The following VASN variants were observed in gnomAD, a reference collection of about 807,000 sequenced individuals.
The protein encoded by VASN is vasorin, also known as protein slit-like 2.
VASN carries 5 observed loss-of-function variants against 4.8 expected under a neutral mutation model. The observed-to-expected ratio is 1.03, with a 90% CI of 0.54 to 2.17. The LOEUF (loss-of-function observed/expected upper bound fraction) is 2.17, where lower values mean the gene tolerates loss of function less well. Among genes scored for constraint, VASN ranks in the 30% most tolerant of loss-of-function variants. VASN has a pLI of 0.01. For synonymous variants in VASN, 499 were observed against 460.8 expected (o/e 1.08, Z -1.06); for missense variants, 927 against 948.8 (o/e 0.98, Z 0.30).
chr16:4,372,559 T>C (rs1457348681), intron 1 of VASN, among the ~76,000 whole-genome samples: 1 of 152,136 alleles, frequency 6.6e-6, no homozygotes, highest in East Asian at 1.9e-4. Flanking sequence ...CCAGGGCCCT[T>C]AGAGCTTCGG....
chr16:4,379,457 C>A (rs1359574339), intron 1 of VASN, among the ~76,000 whole-genome samples: 1 of 152,024 alleles, frequency 6.6e-6, no homozygotes, highest in Non-Finnish European at 1.5e-5. Context: ...GCCCCCGCCC[C>A]CAGGGCCATC....
intron 1 of VASN, among the ~76,000 whole-genome samples, chr16:4,375,047 T>G (rs1294812161): frequency 6.6e-6 from 1 of 152,130 alleles, no homozygotes; most frequent in Non-Finnish European, 1.5e-5. Flanking sequence ...CTAGTTGGGC[T>G]GCAGCCACTG....
chr16:4,374,683 G>A (rs988257208), intron 1 of VASN, among the ~76,000 whole-genome samples: 3 of 152,130 alleles, frequency 2.0e-5, no homozygotes, highest in African/African-American at 4.8e-5. Flanking sequence ...AATCCATCCC[G>A]CCTGCCCATT....
intron 1 of VASN, among the ~76,000 whole-genome samples, chr16:4,380,355 T>C (rs1268120749): frequency 6.6e-6 from 1 of 152,210 alleles, no homozygotes; most frequent in Admixed American, 6.5e-5. Flanking sequence ...ATAGTTTCCA[T>C]GTGAAGTCTT....
rs756788083 is a variant in VASN at position 4,381,584 on chromosome 16, G to C, written c.707G>C (p.Arg236Pro). 3 of 1,603,202 alleles carry C rather than the reference G, an allele frequency of 1.9e-6. No homozygotes were observed. The highest frequency in any genetic ancestry group is 1.7e-5 in the Admixed American group (1 of 58,720). Reference sequence around the variant, plus strand: ...CTGGAGCGAGTGCCACCTGTGATCCGAGGCCTCCGGGGCCTGACGCGCCTG... The same window carrying C: ...CTGGAGCGAGTGCCACCTGTGATCCCAGGCCTCCGGGGCCTGACGCGCCTG... The part of the protein sequence containing the change: ...NQLERVPPVI[R>P]GLRGLTRLRL... Residue 236 changes from arginine to proline, a missense_variant, in exon 2 of 2, where the codon CGA becomes CCA. Physicochemically the swap from Arg to Pro is moderately radical, Grantham distance 103. Transcript: ENST00000304735.
chr16:4,379,098 A>G (rs2054860128), intron 1 of VASN, among the ~76,000 whole-genome samples: 1 of 151,896 alleles, frequency 6.6e-6, no homozygotes, highest in Admixed American at 6.5e-5. Flanking sequence ...TACCTGGGGG[A>G]GAGGGAGCCC....
intron 1 of VASN, among the ~76,000 whole-genome samples, chr16:4,377,772 CCTCCCTT>C (rs1166645221): frequency 6.6e-6 from 1 of 152,210 alleles, no homozygotes; most frequent in East Asian, 1.9e-4. Context: ...CCTCCTCCCT[CCTCCCTT>C]TGATGTGGGG....
rs893690478 is a variant in VASN, at chr16:4,382,982, T to G, written c.*83T>G. 1 of 1,384,702 alleles carries G rather than the reference T, an allele frequency of 7.2e-7. No homozygotes were observed. The highest frequency in any genetic ancestry group is 9.6e-7 in the Non-Finnish European group (1 of 1,044,944). The allele number at this position is 1,384,702 out of a possible 1,614,324, so 85.8% of individuals were successfully genotyped here. A position where few individuals can be genotyped will look rare whatever the true frequency, so the allele number is the denominator to read the frequency against. ...CCTCCTGCTGCCACACCACGTAAGT[T>G]CTCAGTCCCAACCTCGGGGATGTGT... is the stretch of plus-strand genomic sequence containing the variant. On this transcript the variant is annotated 3_prime_UTR_variant, in exon 2 of 2. Coordinates refer to ENST00000304735, the MANE Select transcript of VASN (RefSeq NM_138440.3).
At chr16:4,376,077 CA>C (rs1480808694) in intron 1 of VASN, among the ~76,000 whole-genome samples, 1 of 152,172 alleles carries the variant, frequency 6.6e-6, no homozygotes, top group Non-Finnish European at 1.5e-5. Context: ...AATCACCAGC[CA>C]GGGGTCCCCG....
chr16:4,376,728 G>A (rs1309381756), intron 1 of VASN, among the ~76,000 whole-genome samples: 1 of 152,084 alleles, frequency 6.6e-6, no homozygotes, highest in Non-Finnish European at 1.5e-5. Flanking sequence ...CTTACTCATA[G>A]GGCCCCTCCC....
chr16:4,375,621 G>A (rs558615152), intron 1 of VASN, among the ~76,000 whole-genome samples: 1 of 152,348 alleles, frequency 6.6e-6, no homozygotes, highest in African/African-American at 2.4e-5. Context: ...CCAAGTAGCT[G>A]GGACTACAGG....
At chr16:4,376,136 C>T (rs1178870930) in intron 1 of VASN, among the ~76,000 whole-genome samples, 1 of 152,174 alleles carries the variant, frequency 6.6e-6, no homozygotes, top group Non-Finnish European at 1.5e-5. Flanking sequence ...GAACTCGAGG[C>T]CCAGCCCTCT....
rs954306068 is a variant in VASN at position 4,382,590 on chromosome 16, G to A, written c.1713G>A (p.Glu571=). ...ACGCCCCAGTCACCCAGGCCCGCGA[G>A]GGCAACCTGCCGCTCCTCATTGCGC... ...SNHAPVTQAR[E]GNLPLLIAPA... is the part of the protein sequence containing the mutation. The change falls in exon 2 of 2, where the codon GAG becomes GAA. Residue 571 remains glutamate, a synonymous_variant. Transcript: ENST00000304735. 28 of 1,586,102 alleles carry A rather than the reference G, an allele frequency of 1.8e-5. No homozygotes were observed. The highest frequency in any genetic ancestry group is 2.3e-5 in the Non-Finnish European group (27 of 1,168,788).
chr16:4,379,244 C>T (rs769436733), intron 1 of VASN, among the ~76,000 whole-genome samples: 21 of 152,036 alleles, frequency 1.4e-4, no homozygotes, highest in Non-Finnish European at 2.9e-5. Context: ...GAGCTGCAGG[C>T]GCCACTGGGC....
chr16:4,374,142 G>A (rs536075419), intron 1 of VASN, among the ~76,000 whole-genome samples: 5 of 151,124 alleles, frequency 3.3e-5, no homozygotes, highest in East Asian at 1.9e-4. Flanking sequence ...TGTGTCTGGC[G>A]TGGGCGTGTC....
intron 1 of VASN, among the ~76,000 whole-genome samples, chr16:4,375,170 C>T (rs2054675405): frequency 3.3e-5 from 5 of 152,214 alleles, no homozygotes; most frequent in Admixed American, 3.3e-4. Context: ...GCCTTAGTCA[C>T]TGGTCTCCCT....
chr16:4,380,007 G>T (rs1177528299), intron 1 of VASN, among the ~76,000 whole-genome samples: 1 of 149,868 alleles, frequency 6.7e-6, no homozygotes, highest in Non-Finnish European at 1.5e-5. Flanking sequence ...GCAGTGAGCC[G>T]AGATCTCGCC....
At position 4,381,150 on chromosome 16, in the gene VASN, G is replaced by T; in HGVS notation, c.273G>T (p.Leu91=). Reference sequence around the variant, plus strand: ...TGTCACAGAACCAGATCGCCAGCCTGCCCAGCGGGGTCTTCCAGCCACTCG... The same window carrying T: ...TGTCACAGAACCAGATCGCCAGCCTTCCCAGCGGGGTCTTCCAGCCACTCG... ...LDLSQNQIAS[L]PSGVFQPLAN... Residue 91 remains leucine (L), a synonymous_variant, in exon 2 of 2, where the codon CTG becomes CTT. Coordinates refer to ENST00000304735, the MANE Select transcript of VASN (RefSeq NM_138440.3). The T allele has an allele frequency of 6.2e-7, 1 of 1,610,664 alleles. No homozygotes were observed.
At chr16:4,376,138 C>T (rs1470338197) in intron 1 of VASN, among the ~76,000 whole-genome samples, 1 of 152,184 alleles carries the variant, frequency 6.6e-6, no homozygotes, top group Non-Finnish European at 1.5e-5. Context: ...ACTCGAGGCC[C>T]AGCCCTCTCT....
Sources: gnomAD v4.1 joint callset for allele counts (sites outside exome capture counted in the v4.1 genomes callset) on GRCh38, gnomAD v4.1.1 for gene constraint, MANE v1.5 for transcripts, NCBI Gene and HGNC (gene_info 2026-07-23, HGNC 2026-07-21) for gene names.